RASGRF2: variants seen among roughly 807,000 people sequenced by gnomAD.
RASGRF2 encodes Ras protein specific guanine nucleotide releasing factor 2, also known as ras-specific guanine nucleotide-releasing factor 2.
A neutral mutation model predicts 151.0 loss-of-function variants in RASGRF2; 76 were observed. The observed-to-expected ratio is 0.50, with a 90% CI of 0.42 to 0.61. The LOEUF (loss-of-function observed/expected upper bound fraction) is 0.61. Among genes scored for constraint, RASGRF2 ranks in the 20% least tolerant of loss-of-function variants. The pLI is 0.00. For synonymous variants in RASGRF2, 504 were observed against 566.5 expected (o/e 0.89, Z 1.57); for missense variants, 1,148 against 1,564.6 (o/e 0.73, Z 4.49).
intron 26 of RASGRF2, among the ~76,000 whole-genome samples, chr5:81,220,353 A>C (rs1241632848): frequency 6.6e-6 from 1 of 152,176 alleles, no homozygotes; most frequent in East Asian, 1.9e-4. Flanking sequence ...CTTTTTTAGA[A>C]TAGTTTTAGC....
chr5:81,180,329 C>T (rs745834552), intron 18 of RASGRF2, 48 bp downstream of exon 18: 93 of 1,202,304 alleles, frequency 7.7e-5, no homozygotes, highest in Non-Finnish European at 9.9e-6. Flanking sequence ...TTTAAAAAAT[C>T]ATCTTTTTAA....
chr5:80,983,247 A>G (rs983407356), intron 1 of RASGRF2, among the ~76,000 whole-genome samples: 3 of 152,184 alleles, frequency 2.0e-5, no homozygotes, highest in African/African-American at 4.8e-5. Flanking sequence ...GCTCAAGTCA[A>G]TACCAACATG....
At chr5:81,060,902 T>C (rs755727978) in intron 2 of RASGRF2, among the ~76,000 whole-genome samples, 20 of 152,210 alleles carry the variant, frequency 1.3e-4, no homozygotes, top group Non-Finnish European at 2.2e-4. Context: ...AGTTTTGATG[T>C]ATGTCTCTCA....
At chr5:81,215,463 G>C (rs1484544593) in intron 23 of RASGRF2, among the ~76,000 whole-genome samples, 1 of 151,734 alleles carries the variant, frequency 6.6e-6, no homozygotes, top group Non-Finnish European at 1.5e-5. Context: ...TAGAGATGGG[G>C]TTTCACCATG....
At chr5:81,049,894 A>T (rs1194268097) in intron 2 of RASGRF2, among the ~76,000 whole-genome samples, 4 of 152,174 alleles carry the variant, frequency 2.6e-5, no homozygotes, top group African/African-American at 9.7e-5. Flanking sequence ...GTATTTTTCT[A>T]TATTGAACTA....
chr5:81,062,009 A>AC lies in RASGRF2; in HGVS notation c.396-6023_396-6022insC, dbSNP rs779430521. Among the ~76,000 whole-genome samples the AC allele has an allele frequency of 1.3e-3, 183 of 144,496 alleles. 2 individuals are homozygous for AC. The highest frequency in any genetic ancestry group is 3.5e-3 in the Middle Eastern group (1 of 288). The allele number at this position is 144,496 out of a possible 152,430, so 94.8% of individuals were successfully genotyped here. ...TGATCCCAGCTGACAAAAAAAAAAA[A>AC]AAAAAAAAAAAAAAACTGTAGAGAT... On this transcript the variant is annotated intron_variant, in intron 2 of 26. Coordinates refer to ENST00000265080, the MANE Select transcript of RASGRF2 (RefSeq NM_006909.3).
intron 12 of RASGRF2, 97 bp downstream of exon 12, chr5:81,095,089 T>A: frequency 1.1e-6 from 1 of 895,834 alleles, no homozygotes; most frequent in Non-Finnish European, 1.5e-6. Flanking sequence ...TATTAAAAAA[T>A]TACACTCAGT....
intron 2 of RASGRF2, among the ~76,000 whole-genome samples, chr5:81,056,725 T>G (rs907494042): frequency 1.3e-5 from 2 of 152,102 alleles, no homozygotes; most frequent in African/African-American, 4.8e-5. Flanking sequence ...GTTGACAGTG[T>G]GGTGTTAACG....
At chr5:81,189,293 A>G (rs7729497) in intron 18 of RASGRF2, among the ~76,000 whole-genome samples, 86,506 of 152,086 alleles carry the variant, frequency 0.57, 24,962 homozygotes, top group Middle Eastern at 0.76. Context: ...CTGCTCAGGC[A>G]CCACAGAGTG....
intron 1 of RASGRF2, among the ~76,000 whole-genome samples, chr5:81,012,947 T>C (rs186873552): frequency 1.3e-3 from 204 of 152,266 alleles, no homozygotes; most frequent in Non-Finnish European, 2.3e-3. Flanking sequence ...GTGAATAGCC[T>C]GGCTGGAATC....
In RASGRF2 at chr5:81,057,618, G is replaced by A. The variant is rs140724136; in HGVS notation, c.396-10414G>A. Among the ~76,000 whole-genome samples the A allele has an allele frequency of 2.6e-3, 393 of 152,238 alleles. 8 individuals are homozygous for A. Among genetic ancestry groups the A allele is most frequent in the Non-Finnish European group, 1.1e-3 (78 of 68,022 alleles). On this transcript the variant is annotated intron_variant, in intron 2 of 26. Coordinates refer to ENST00000265080, the MANE Select transcript of RASGRF2 (RefSeq NM_006909.3). ...CAAGGTGATGCTTCGGTACACACAT[G>A]CATTGTATCATGATAAAATCAGGGA...
chr5:81,012,379 G>C (rs1408603414), intron 1 of RASGRF2, among the ~76,000 whole-genome samples: 1 of 152,098 alleles, frequency 6.6e-6, no homozygotes, highest in Non-Finnish European at 1.5e-5. Flanking sequence ...CAGTTTTCCA[G>C]TGCATTAACA....
chr5:81,122,304 C>T (rs538324703), intron 15 of RASGRF2, among the ~76,000 whole-genome samples: 1 of 152,280 alleles, frequency 6.6e-6, no homozygotes, highest in East Asian at 1.9e-4. Flanking sequence ...ATATTCTGCT[C>T]GTTCTTACAG....
At chr5:80,968,057 G>C (rs545085962) in intron 1 of RASGRF2, among the ~76,000 whole-genome samples, 49 of 152,220 alleles carry the variant, frequency 3.2e-4, no homozygotes, top group Non-Finnish European at 6.3e-4. Flanking sequence ...ATGGAGATCC[G>C]GATAGTACCT....
chr5:81,001,364 C>T (rs1025779361), intron 1 of RASGRF2, among the ~76,000 whole-genome samples: 4 of 152,162 alleles, frequency 2.6e-5, no homozygotes. Flanking sequence ...GAGTTCACAA[C>T]AGGCCTGTGT....
chr5:81,193,871 T>C (rs945027258), intron 18 of RASGRF2, among the ~76,000 whole-genome samples: 3 of 152,190 alleles, frequency 2.0e-5, no homozygotes, highest in African/African-American at 7.2e-5. Flanking sequence ...GTTTAAAAAC[T>C]CAGGCTTTAG....
chr5:81,098,823 G>A (rs1015747116), intron 12 of RASGRF2, among the ~76,000 whole-genome samples: 2 of 152,102 alleles, frequency 1.3e-5, no homozygotes, highest in Non-Finnish European at 1.5e-5. Context: ...GAGAGATTTC[G>A]TATCCATTCA....
chr5:80,994,152 T>A (rs1748746248), intron 1 of RASGRF2, among the ~76,000 whole-genome samples: 1 of 151,698 alleles, frequency 6.6e-6, no homozygotes, highest in South Asian at 2.1e-4. Context: ...GATCACGAGG[T>A]CAGGAGATCG....
At chr5:81,179,844 T>C (rs1315048528) in intron 17 of RASGRF2, among the ~76,000 whole-genome samples, 1 of 152,240 alleles carries the variant, frequency 6.6e-6, no homozygotes, top group Non-Finnish European at 1.5e-5. Flanking sequence ...CTGACTCAAA[T>C]ACTTGGTTAA....
Sources: gnomAD v4.1 joint callset for allele counts (sites outside exome capture counted in the v4.1 genomes callset) on GRCh38, gnomAD v4.1.1 for gene constraint, MANE v1.5 for transcripts, NCBI Gene and HGNC (gene_info 2026-07-23, HGNC 2026-07-21) for gene names.